The following AUTS2 variants were observed in gnomAD, a reference collection of about 807,000 sequenced individuals.
AUTS2 encodes the protein autism susceptibility gene 2 protein.
A neutral mutation model predicts 112.4 loss-of-function variants in AUTS2; 17 were observed. The ratio of observed to expected loss-of-function variants is 0.15; its 90% CI spans 0.10 to 0.23. The LOEUF is 0.23. Ranked by LOEUF, AUTS2 falls within the 10% of genes least tolerant of loss-of-function variation. The probability of loss-of-function intolerance (pLI) is 1.00; values close to 1 mark genes in which losing one functional copy is unlikely to be tolerated. For missense variants in AUTS2, 1,510 were observed against 1,701.6 expected, an observed-to-expected ratio of 0.89 and a Z score of 1.98; for synonymous variants, 751 against 702.7, an observed-to-expected ratio of 1.07 and a Z score of -1.09.
At chr7:69,945,155 G>A (rs1031984883) in intron 2 of AUTS2, among the ~76,000 whole-genome samples, 6 of 152,002 alleles carry the variant, frequency 3.9e-5, no homozygotes, top group Non-Finnish European at 7.4e-5. Flanking sequence ...AAAATATATA[G>A]TTCAGTGATT....
chr7:70,738,265 G>A (rs1221881690), intron 6 of AUTS2, among the ~76,000 whole-genome samples: 1 of 152,124 alleles, frequency 6.6e-6, no homozygotes, highest in African/African-American at 2.4e-5. Flanking sequence ...CCTGGTGCTA[G>A]AACCTGTAAC....
chr7:69,727,289 G>A (rs888443448), intron 1 of AUTS2, among the ~76,000 whole-genome samples: 4 of 152,076 alleles, frequency 2.6e-5, no homozygotes, highest in Admixed American at 1.3e-4. Context: ...TGGCACCTCC[G>A]TTGAAAATCA....
At chr7:69,773,309 G>A (rs1014220602) in intron 1 of AUTS2, among the ~76,000 whole-genome samples, 2 of 151,984 alleles carry the variant, frequency 1.3e-5, no homozygotes, top group African/African-American at 4.8e-5. Flanking sequence ...ACTCAAGGCC[G>A]TTCATTCAAG....
intron 6 of AUTS2, among the ~76,000 whole-genome samples, chr7:70,743,961 G>A (rs1187571607): frequency 6.6e-6 from 1 of 152,084 alleles, no homozygotes; most frequent in Non-Finnish European, 1.5e-5. Context: ...TTAAAGTGTG[G>A]ATGGAGGGGT....
intron 6 of AUTS2, among the ~76,000 whole-genome samples, chr7:70,737,321 C>G (rs1404959659): frequency 2.0e-5 from 3 of 152,202 alleles, no homozygotes; most frequent in African/African-American, 4.8e-5. Flanking sequence ...CACCGTGTGC[C>G]AAAGGGCGGG....
At chr7:70,567,451 T>G (rs1440141534) in intron 5 of AUTS2, among the ~76,000 whole-genome samples, 1 of 152,232 alleles carries the variant, frequency 6.6e-6, no homozygotes, top group African/African-American at 2.4e-5. Flanking sequence ...CTCTTTGTCC[T>G]TGGGCAAGCC....
rs2129557039 is a variant in AUTS2 at position 70,763,450 on chromosome 7, C to A, written c.1214+109C>A. 4 of 770,878 alleles carry A rather than the reference C, an allele frequency of 5.2e-6. No homozygotes were observed. In the East Asian group the frequency reaches 8.1e-5, roughly 16 times the overall value. 47.8% of individuals were successfully genotyped at this position (770,878 alleles called of 1,614,324 possible). A position where few individuals can be genotyped will look rare whatever the true frequency, so the allele number is the denominator to read the frequency against. ...GAGACTGAGGTTTCCTTGTTGGAAA[C>A]ATCATCCTTTTCTCTGAGACTAGAG... is the stretch of plus-strand genomic sequence containing the variant. On this transcript the variant is annotated intron_variant, in intron 7 of 18. Transcript: ENST00000342771.
intron 7 of AUTS2, 37 bp downstream of exon 7, chr7:70,763,378 C>T (rs1789702347): frequency 6.8e-7 from 1 of 1,480,206 alleles, no homozygotes; most frequent in Non-Finnish European, 9.1e-7. Flanking sequence ...GACTTTTGCC[C>T]TCTCCCTGGG....
intron 1 of AUTS2, among the ~76,000 whole-genome samples, chr7:69,851,204 GTGTC>G (rs1371051512): frequency 2.6e-5 from 4 of 152,110 alleles, no homozygotes; most frequent in African/African-American, 9.7e-5. Flanking sequence ...GTTGATCTGC[GTGTC>G]TGTCCCTTCG....
chr7:70,342,340 G>T (rs572041347), intron 4 of AUTS2, among the ~76,000 whole-genome samples: 2 of 150,756 alleles, frequency 1.3e-5, no homozygotes, highest in Non-Finnish European at 3.0e-5. Flanking sequence ...TTTTTTTGCG[G>T]GGGGGAAGTC....
rs563704276 is a variant in AUTS2, at chr7:70,773,882, G to C, written c.1831-146G>C. On this transcript the variant is annotated intron_variant, in intron 11 of 18. Transcript: ENST00000342771. ...GGCCCCCTTGAGAAAGAGCATGTGTGGTCCCTGAGAAAAATGAATCTTGCG... is the reference window on the plus strand; with the variant it reads ...GGCCCCCTTGAGAAAGAGCATGTGTCGTCCCTGAGAAAAATGAATCTTGCG... 61 of 731,302 alleles carry C rather than the reference G, an allele frequency of 8.3e-5. No individual in the cohort carries two copies. The South Asian group carries it at 1.0e-3, about 12-fold the overall frequency. 45.3% of individuals were successfully genotyped at this position (731,302 alleles called of 1,614,324 possible). A position where few individuals can be genotyped will look rare whatever the true frequency, so the allele number is the denominator to read the frequency against.
At chr7:70,219,427 GC>G (rs1811353220) in intron 4 of AUTS2, among the ~76,000 whole-genome samples, 1 of 151,186 alleles carries the variant, frequency 6.6e-6, no homozygotes, top group Non-Finnish European at 1.5e-5. Context: ...CTAAGAGCTA[GC>G]CAAAAAAAAA....
rs1401792469 is a variant in AUTS2 at position 70,792,016 on chromosome 7, A to G, written c.*1020A>G. 1 of 152,598 alleles carries G rather than the reference A, an allele frequency of 6.6e-6. No homozygotes were observed. Among genetic ancestry groups the G allele is most frequent in the Non-Finnish European group, 1.5e-5 (1 of 68,040 alleles). 9.5% of individuals were successfully genotyped at this position (152,598 alleles called of 1,614,324 possible). On this transcript the variant is annotated 3_prime_UTR_variant, in exon 19 of 19. Coordinates refer to ENST00000342771, the MANE Select transcript of AUTS2 (RefSeq NM_015570.4). ...TGTGTCCTATTTCATACCTGTACAC[A>G]CTTCCTCGTTTTGTAATGAGATTTA...
intron 6 of AUTS2, among the ~76,000 whole-genome samples, chr7:70,729,682 C>T (rs958007044): frequency 4.6e-5 from 7 of 152,186 alleles, no homozygotes; most frequent in Non-Finnish European, 1.5e-5. Flanking sequence ...TTATTCTCTT[C>T]CTGAAACCTG....
intron 4 of AUTS2, among the ~76,000 whole-genome samples, chr7:70,276,294 TTTC>T (rs969234818): frequency 6.6e-6 from 1 of 152,182 alleles, no homozygotes; most frequent in African/African-American, 2.4e-5. Flanking sequence ...ACAACAAAAC[TTTC>T]TTATTTGCAC....
At chr7:69,910,970 C>T (rs1263235633) in intron 2 of AUTS2, among the ~76,000 whole-genome samples, 10 of 152,226 alleles carry the variant, frequency 6.6e-5, no homozygotes, top group Non-Finnish European at 1.5e-5. Flanking sequence ...GAGAGTTACT[C>T]ATTATCACGA....
At chr7:70,531,958 T>C (rs1800113246) in intron 5 of AUTS2, among the ~76,000 whole-genome samples, 1 of 152,220 alleles carries the variant, frequency 6.6e-6, no homozygotes, top group Non-Finnish European at 1.5e-5. Context: ...CTTCTGTCAG[T>C]CATCTGTGGC....
intron 5 of AUTS2, among the ~76,000 whole-genome samples, chr7:70,471,023 G>A (rs1439519488): frequency 5.9e-5 from 9 of 152,142 alleles, no homozygotes; most frequent in South Asian, 2.1e-4. Flanking sequence ...CTTTAAACAG[G>A]CCAAGCGAGC....
chr7:69,922,744 A>T (rs1458681209), intron 2 of AUTS2, among the ~76,000 whole-genome samples: 1 of 152,214 alleles, frequency 6.6e-6, no homozygotes, highest in East Asian at 1.9e-4. Flanking sequence ...TTATATTAGC[A>T]TATGGCCTGG....
Sources: gnomAD v4.1 joint callset for allele counts (sites outside exome capture counted in the v4.1 genomes callset) on GRCh38, gnomAD v4.1.1 for gene constraint, MANE v1.5 for transcripts, NCBI Gene and HGNC (gene_info 2026-07-23, HGNC 2026-07-21) for gene names.